The following NBAS variants were observed in gnomAD, a reference collection of about 807,000 sequenced individuals.
NBAS encodes NBAS subunit of NRZ tethering complex.
Under a neutral mutation model 302.5 loss-of-function variants are expected in NBAS, and 219 were observed. The observed-to-expected ratio is 0.72, with a 90% confidence interval of 0.65 to 0.81. The LOEUF is 0.81. NBAS is among the 30% of genes least tolerant of loss of function. The pLI is 0.00. For missense variants in NBAS, 2,932 were observed against 2,841.6 expected (o/e 1.03, Z -0.72); for synonymous variants, 1,118 against 1,021.6 (o/e 1.09, Z -1.80).
the NBAS span, among the ~76,000 whole-genome samples, chr2:14,838,047 G>A: frequency 3.3e-5 from 5 of 151,728 alleles, no homozygotes; most frequent in Non-Finnish European, 7.4e-5. Context: ...TTTCTAACTG[G>A]AGCTGGTTTG....
chr2:15,366,833 G>T (rs890683311), intron 31 of NBAS, 140 bp from the exon 32 acceptor site: 9 of 759,176 alleles, frequency 1.2e-5, no homozygotes, highest in Non-Finnish European at 2.1e-5. Flanking sequence ...AAAGTAAAAG[G>T]CACGTTTAAC....
chr2:15,177,164 C>T (rs72776606), intron 51 of NBAS, among the ~76,000 whole-genome samples: 37 of 152,264 alleles, frequency 2.4e-4, no homozygotes, highest in African/African-American at 8.7e-4. Context: ...ACGTTTCGTG[C>T]GCTATCATCA....
chr2:14,807,810 A>G, the NBAS span, among the ~76,000 whole-genome samples: 1 of 152,206 alleles, frequency 6.6e-6, no homozygotes, highest in African/African-American at 2.4e-5. Context: ...AAATTAAGAT[A>G]GTAACAAACG....
the NBAS span, among the ~76,000 whole-genome samples, chr2:15,136,474 A>G: frequency 3.3e-5 from 5 of 152,354 alleles, no homozygotes; most frequent in African/African-American, 1.2e-4. Context: ...GCTGGGCTCC[A>G]AGAAAACTTT....
At chr2:15,068,984 G>A in the NBAS span, among the ~76,000 whole-genome samples, 3,625 of 152,150 alleles carry the variant, frequency 0.024, 147 homozygotes, top group East Asian at 0.11. Context: ...TCACATGGTT[G>A]GGGGGGCTTA....
the NBAS span, among the ~76,000 whole-genome samples, chr2:14,920,272 T>C: frequency 1.3e-5 from 2 of 152,126 alleles, no homozygotes; most frequent in Admixed American, 6.5e-5. Context: ...GGGCAGTAGG[T>C]CTCAAGAGTT....
At chr2:15,272,806 A>G (rs10210743) in intron 44 of NBAS, among the ~76,000 whole-genome samples, 34,481 of 152,094 alleles carry the variant, frequency 0.23, 4,152 homozygotes, top group Middle Eastern at 0.38. Context: ...CAAAATACAC[A>G]TATGTGCACC....
intron 11 of NBAS, among the ~76,000 whole-genome samples, chr2:15,499,781 AAAAAAGTAAAAATTT>A (rs1227181211): frequency 6.7e-6 from 1 of 150,090 alleles, no homozygotes; most frequent in East Asian, 1.9e-4. Flanking sequence ...TAAATTTTTT[AAAAAAGTAAAAATTT>A]AAAAAGTAAA....
the NBAS span, among the ~76,000 whole-genome samples, chr2:15,047,621 G>C: frequency 6.6e-6 from 1 of 152,082 alleles, no homozygotes; most frequent in East Asian, 1.9e-4. Flanking sequence ...GCAGATGAAG[G>C]CTGGGCCCAT....
intron 44 of NBAS, among the ~76,000 whole-genome samples, chr2:15,241,242 T>G (rs1002813663): frequency 6.6e-6 from 1 of 152,228 alleles, no homozygotes; most frequent in African/African-American, 2.4e-5. Context: ...ATTTCAGAAA[T>G]TACTTGGCTA....
At chr2:15,320,105 A>G (rs1671725852) in intron 38 of NBAS, among the ~76,000 whole-genome samples, 1 of 152,186 alleles carries the variant, frequency 6.6e-6, no homozygotes. Flanking sequence ...ATGCAAATCA[A>G]TAAACATAAT....
the NBAS span, among the ~76,000 whole-genome samples, chr2:15,159,612 G>C: frequency 1.3e-5 from 2 of 151,766 alleles, no homozygotes; most frequent in Non-Finnish European, 2.9e-5. Context: ...TTAAGGGCTG[G>C]GGGGAGGAAA....
chr2:14,838,083 C>T, the NBAS span, among the ~76,000 whole-genome samples: 1 of 151,760 alleles, frequency 6.6e-6, no homozygotes, highest in South Asian at 2.1e-4. Flanking sequence ...ATTTTGCCTG[C>T]TTGAGTTTCA....
the NBAS span, among the ~76,000 whole-genome samples, chr2:15,102,429 T>C: frequency 6.6e-6 from 1 of 152,188 alleles, no homozygotes; most frequent in South Asian, 2.1e-4. Context: ...GCAAGTTATA[T>C]TCATATATTC....
At chr2:15,377,867 G>A (rs913154389) in intron 30 of NBAS, among the ~76,000 whole-genome samples, 6 of 152,152 alleles carry the variant, frequency 3.9e-5, no homozygotes, top group Non-Finnish European at 7.4e-5. Flanking sequence ...GGTATAACAT[G>A]CAAAATAGTG....
At chr2:14,949,382 A>C in the NBAS span, among the ~76,000 whole-genome samples, 6 of 152,134 alleles carry the variant, frequency 3.9e-5, no homozygotes, top group Admixed American at 1.3e-4. Flanking sequence ...AGCTCAAAAA[A>C]CTCAATAGCA....
chr2:14,804,175 T>C, the NBAS span, among the ~76,000 whole-genome samples: 1 of 152,218 alleles, frequency 6.6e-6, no homozygotes, highest in South Asian at 2.1e-4. Flanking sequence ...CCAATGCACA[T>C]GTGCCCCATG....
At chr2:15,482,593 G>A (rs1005557262) in intron 12 of NBAS, among the ~76,000 whole-genome samples, 11 of 152,090 alleles carry the variant, frequency 7.2e-5, no homozygotes, top group African/African-American at 2.7e-4. Flanking sequence ...CCAAAGTGGG[G>A]CAGCTGAGAC....
At chr2:15,473,451 A>T in intron 15 of NBAS, 104 bp from the exon 16 acceptor site, 1 of 1,420,890 alleles carries the variant, frequency 7.0e-7, no homozygotes, top group Non-Finnish European at 9.7e-7. Context: ...CTTATCCAGC[A>T]TGTCACTAAT....
Sources: allele counts gnomAD v4.1 joint callset (sites outside exome capture counted in the v4.1 genomes callset), GRCh38; gene constraint gnomAD v4.1.1; transcripts MANE v1.5; gene names NCBI Gene and HGNC (gene_info 2026-07-23, HGNC 2026-07-21).